The following SMYD3 variants were observed in gnomAD, a reference collection of about 807,000 sequenced individuals.
The protein encoded by SMYD3 is histone-lysine N-methyltransferase SMYD3.
A neutral mutation model predicts 57.7 loss-of-function variants in SMYD3; 36 were observed. That is an observed-to-expected ratio of 0.62 (90% CI 0.48 to 0.82). The LOEUF (loss-of-function observed/expected upper bound fraction) is 0.82, where lower values mean the gene tolerates loss of function less well. Among genes scored for constraint, SMYD3 ranks in the 40% least tolerant of loss-of-function variants. SMYD3 has a pLI of 0.00. For missense variants in SMYD3, 515 were observed against 538.8 expected (o/e 0.96, Z 0.44); for synonymous variants, 211 against 195.0 (o/e 1.08, Z -0.68).
chr1:246,234,462 G>A (rs905588366), intron 5 of SMYD3, among the ~76,000 whole-genome samples: 7 of 146,500 alleles, frequency 4.8e-5, no homozygotes, highest in Admixed American at 6.8e-5. Flanking sequence ...TACTCCTTCC[G>A]TTAACACCAT....
chr1:246,349,757 TA>T (rs1186502557), intron 2 of SMYD3, among the ~76,000 whole-genome samples: 1 of 152,022 alleles, frequency 6.6e-6, no homozygotes, highest in Non-Finnish European at 1.5e-5. Context: ...GGGCAATCAC[TA>T]AAAAAGGAGA....
At chr1:246,370,399 A>G (rs973256752) in intron 1 of SMYD3, among the ~76,000 whole-genome samples, 2 of 152,218 alleles carry the variant, frequency 1.3e-5, no homozygotes, top group Non-Finnish European at 2.9e-5. Context: ...ATAAAGAGTG[A>G]GTGGCAGAGA....
chr1:245,853,039 A>G (rs1432343005), intron 10 of SMYD3, among the ~76,000 whole-genome samples: 2 of 152,262 alleles, frequency 1.3e-5, no homozygotes, highest in Non-Finnish European at 2.9e-5. Context: ...AGTGGCTACA[A>G]GATTACTGTT....
At chr1:245,870,708 T>C (rs2052140305) in intron 8 of SMYD3, among the ~76,000 whole-genome samples, 1 of 152,250 alleles carries the variant, frequency 6.6e-6, no homozygotes, top group African/African-American at 2.4e-5. Flanking sequence ...GTGGGAAGTT[T>C]ACCTGCCAGA....
intron 5 of SMYD3, among the ~76,000 whole-genome samples, chr1:245,952,770 A>T (rs2057701820): frequency 6.6e-6 from 1 of 152,200 alleles, no homozygotes; most frequent in Non-Finnish European, 1.5e-5. Flanking sequence ...CTAAAAGGAG[A>T]TACAGCCTTG....
chr1:246,271,456 T>C (rs898235385), intron 5 of SMYD3, among the ~76,000 whole-genome samples: 4 of 152,174 alleles, frequency 2.6e-5, no homozygotes, highest in South Asian at 2.1e-4. Context: ...CTTTGATCCA[T>C]TTTGAGTTGA....
rs183635504 is a variant in SMYD3 at position 245,753,846 on chromosome 1, G to A, written c.1186-4182C>T. On this transcript the variant is annotated intron_variant, in intron 11 of 11. Transcript: ENST00000490107. The stretch of plus-strand genomic sequence containing the variant: ...TGTCACCCATGCGCATGTCAGAGAG[G>A]ACAATTCTGGTTTAATTTCCTGCAG... Among the ~76,000 whole-genome samples, 70 of 152,328 alleles carry A rather than the reference G, an allele frequency of 4.6e-4. 1 individual carries two copies. The highest frequency in any genetic ancestry group is 2.0e-4 in the Admixed American group (3 of 15,302).
At chr1:245,994,027 G>A (rs149056673) in intron 5 of SMYD3, among the ~76,000 whole-genome samples, 188 of 152,250 alleles carry the variant, frequency 1.2e-3, no homozygotes, top group African/African-American at 4.3e-3. Flanking sequence ...AAATCGTTCC[G>A]TTCTAAGGTG....
chr1:246,101,693 CT>C (rs1484284516), intron 5 of SMYD3, among the ~76,000 whole-genome samples: 8 of 152,102 alleles, frequency 5.3e-5, no homozygotes, highest in Non-Finnish European at 1.2e-4. Context: ...CATTTTGCTT[CT>C]TTTTCTTTAA....
chr1:245,951,221 C>G (rs190235922), intron 5 of SMYD3, among the ~76,000 whole-genome samples: 1 of 152,024 alleles, frequency 6.6e-6, no homozygotes, highest in Non-Finnish European at 1.5e-5. Flanking sequence ...CTGTTACCTT[C>G]CTTGGTTACA....
intron 2 of SMYD3, 120 bp from the exon 3 acceptor site, chr1:246,335,594 TAGAAA>T: frequency 1.4e-6 from 1 of 735,768 alleles, no homozygotes; most frequent in Non-Finnish European, 2.3e-6. Flanking sequence ...AACTGCACAA[TAGAAA>T]ATAAAAGCAA....
At chr1:245,916,698 T>C (rs1014603567) in intron 7 of SMYD3, among the ~76,000 whole-genome samples, 1 of 152,178 alleles carries the variant, frequency 6.6e-6, no homozygotes, top group Admixed American at 6.5e-5. Flanking sequence ...ACCTCTCACC[T>C]GTAAAATGTA....
At chr1:246,420,738 G>T (rs1225485137) in intron 1 of SMYD3, among the ~76,000 whole-genome samples, 1 of 152,132 alleles carries the variant, frequency 6.6e-6, no homozygotes, top group Non-Finnish European at 1.5e-5. Context: ...TATTAAAATG[G>T]AAATGTTAAC....
intron 11 of SMYD3, among the ~76,000 whole-genome samples, chr1:245,763,189 C>A (rs979969117): frequency 1.3e-5 from 2 of 152,212 alleles, no homozygotes; most frequent in Non-Finnish European, 2.9e-5. Context: ...GAACCGTATT[C>A]ACTGACCTCC....
chr1:245,925,410 C>T (rs555092481), intron 7 of SMYD3, among the ~76,000 whole-genome samples: 61 of 152,244 alleles, frequency 4.0e-4, no homozygotes, highest in African/African-American at 1.5e-3. Context: ...ATAGGAATTA[C>T]CCTGCTTAAT....
chr1:246,223,444 G>A (rs2148428069), intron 5 of SMYD3, among the ~76,000 whole-genome samples: 1 of 152,228 alleles, frequency 6.6e-6, no homozygotes, highest in Non-Finnish European at 1.5e-5. Context: ...TGAGTCTCCT[G>A]TAAAATTCAG....
At chr1:246,358,559 T>C (rs1464457990) in intron 1 of SMYD3, among the ~76,000 whole-genome samples, 1 of 152,152 alleles carries the variant, frequency 6.6e-6, no homozygotes, top group Non-Finnish European at 1.5e-5. Flanking sequence ...GAACATATGA[T>C]AGGGCACAAA....
intron 1 of SMYD3, among the ~76,000 whole-genome samples, chr1:246,394,524 GAACACA>G (rs2066624613): frequency 6.6e-6 from 1 of 152,210 alleles, no homozygotes; most frequent in Non-Finnish European, 1.5e-5. Context: ...GATTTCACTG[GAACACA>G]GGCTTTTGAC....
chr1:245,775,341 G>A (rs553144028), intron 10 of SMYD3, among the ~76,000 whole-genome samples: 1 of 152,272 alleles, frequency 6.6e-6, no homozygotes, highest in Admixed American at 6.5e-5. Flanking sequence ...AAGTAGACAT[G>A]GGAGACTCCA....
Sources: gnomAD v4.1 joint callset for allele counts (sites outside exome capture counted in the v4.1 genomes callset) on GRCh38, gnomAD v4.1.1 for gene constraint, MANE v1.5 for transcripts, NCBI Gene and HGNC (gene_info 2026-07-23, HGNC 2026-07-21) for gene names.